VPS13B: variants seen among roughly 807,000 people sequenced by gnomAD.
The protein encoded by VPS13B is intermembrane lipid transfer protein VPS13B.
A neutral mutation model predicts 426.4 loss-of-function variants in VPS13B; 285 were observed. That is an observed-to-expected ratio of 0.67 (90% CI 0.61 to 0.74). VPS13B has a LOEUF of 0.74. Ranked by LOEUF, VPS13B falls within the 30% of genes least tolerant of loss-of-function variation. The pLI, the probability that VPS13B is intolerant of heterozygous loss-of-function variation, is 0.00. For missense variants in VPS13B, 4,537 were observed against 4,782.6 expected, an observed-to-expected ratio of 0.95 and a Z score of 1.51; for synonymous variants, 1,676 against 1,676.4, an observed-to-expected ratio of 1.00 and a Z score of 0.01.
chr8:99,610,985 C>T (rs986306263), intron 33 of VPS13B, among the ~76,000 whole-genome samples: 2 of 152,106 alleles, frequency 1.3e-5, no homozygotes, highest in Non-Finnish European at 2.9e-5. Flanking sequence ...ATCTTTTAGT[C>T]TTCAAAAATG....
intron 30 of VPS13B, among the ~76,000 whole-genome samples, chr8:99,533,404 T>A (rs539578244): frequency 1.3e-5 from 2 of 152,314 alleles, no homozygotes; most frequent in South Asian, 4.1e-4. Context: ...TTAAAAAAAT[T>A]TTTAAACTCC....
At chr8:99,759,166 T>C (rs141292976) in intron 39 of VPS13B, among the ~76,000 whole-genome samples, 80 of 152,276 alleles carry the variant, frequency 5.3e-4, no homozygotes, top group African/African-American at 1.9e-3. Context: ...AAACCCTACG[T>C]TGATCTCATA....
At chr8:99,051,223 G>A (rs1843531232) in intron 3 of VPS13B, among the ~76,000 whole-genome samples, 1 of 152,164 alleles carries the variant, frequency 6.6e-6, no homozygotes, top group Non-Finnish European at 1.5e-5. Flanking sequence ...GTAAGGAAGG[G>A]ATCCAGTTTC....
At chr8:99,126,439 G>A (rs1454590849) in intron 8 of VPS13B, among the ~76,000 whole-genome samples, 1 of 152,090 alleles carries the variant, frequency 6.6e-6, no homozygotes, top group Non-Finnish European at 1.5e-5. Context: ...GTATTTTTCT[G>A]GTCATATTCT....
intron 25 of VPS13B, among the ~76,000 whole-genome samples, chr8:99,496,459 G>T (rs1374362486): frequency 6.6e-6 from 1 of 152,072 alleles, no homozygotes. Flanking sequence ...AGACCATCCT[G>T]GCTAACACAG....
At chr8:99,173,411 C>CTAACATCCTTGAATAAAATGTTCAAG (rs2132672302) in intron 16 of VPS13B, among the ~76,000 whole-genome samples, 1 of 152,150 alleles carries the variant, frequency 6.6e-6, no homozygotes, top group South Asian at 2.1e-4. Flanking sequence ...AAAAAAATTG[C>CTAACATCCTTGAATAAAATGTTCAAG]CAGTAATACT....
intron 17 of VPS13B, chr8:99,209,828 T>C: frequency 1.3e-6 from 1 of 745,490 alleles, no homozygotes; most frequent in Non-Finnish European, 1.6e-6. Flanking sequence ...TAGTTTATTC[T>C]AAAAAGTTTT....
rs550713421 is a variant in VPS13B at position 99,357,819 on chromosome 8, T to C, written c.2825-26389T>C. On this transcript the variant is annotated intron_variant, in intron 19 of 61. Transcript: ENST00000357162. ...TAAATGTAAAATGCTTAACACTTTGTTGTCAATTAAGTACTAACAATCTTC... is the reference window on the plus strand; with the variant it reads ...TAAATGTAAAATGCTTAACACTTTGCTGTCAATTAAGTACTAACAATCTTC... Among the ~76,000 whole-genome samples, 8 of 152,346 alleles carry C rather than the reference T, an allele frequency of 5.3e-5. No homozygotes were observed. In the South Asian group the frequency reaches 1.0e-3, roughly 20 times the overall value.
At chr8:99,028,997 C>T (rs1293781284) in intron 2 of VPS13B, among the ~76,000 whole-genome samples, 1 of 150,190 alleles carries the variant, frequency 6.7e-6, no homozygotes, top group Non-Finnish European at 1.5e-5. Flanking sequence ...GGCTGCCGGG[C>T]GGAGGGGCTC....
At chr8:99,590,489 G>A (rs183175683) in intron 33 of VPS13B, among the ~76,000 whole-genome samples, 4 of 151,920 alleles carry the variant, frequency 2.6e-5, no homozygotes, top group East Asian at 1.9e-4. Context: ...ATAAATTTCC[G>A]TCTACACACT....
intron 25 of VPS13B, among the ~76,000 whole-genome samples, chr8:99,493,246 CT>C (rs1397774268): frequency 1.3e-5 from 2 of 151,872 alleles, no homozygotes; most frequent in Admixed American, 1.3e-4. Flanking sequence ...ATATTTTTTT[CT>C]TATAATAGCC....
chr8:99,103,356 G>A (rs1001507104), intron 5 of VPS13B, among the ~76,000 whole-genome samples: 1 of 152,098 alleles, frequency 6.6e-6, no homozygotes, highest in African/African-American at 2.4e-5. Context: ...TTGAGACAGG[G>A]TCTGGCTCTG....
At position 99,859,486 on chromosome 8, in the gene VPS13B, G is replaced by A. The variant is rs369477759; in HGVS notation, c.11044+6G>A. On this transcript the variant is annotated splice_donor_region_variant and intron_variant, in intron 57 of 61. Coordinates refer to ENST00000357162, the MANE Select transcript of VPS13B (RefSeq NM_152564.5). ...TGTAAAGCACATCTCCAAAGGTAGCGGGTTCCGTTCCTTGTAATAATGCCT... is the reference window on the plus strand; with the variant it reads ...TGTAAAGCACATCTCCAAAGGTAGCAGGTTCCGTTCCTTGTAATAATGCCT... 6.1e-5 allele frequency: 99 copies of A among 1,613,326 alleles called. No homozygotes were observed. The highest frequency in any genetic ancestry group is 3.7e-4 in the South Asian group (34 of 91,058).
chr8:99,381,693 A>G (rs1393547380), intron 19 of VPS13B, among the ~76,000 whole-genome samples: 1 of 151,352 alleles, frequency 6.6e-6, no homozygotes, highest in Non-Finnish European at 1.5e-5. Flanking sequence ...TGTTGGCCAT[A>G]TGTATATCTT....
At chr8:99,326,841 G>A (rs977814284) in intron 19 of VPS13B, among the ~76,000 whole-genome samples, 4 of 152,116 alleles carry the variant, frequency 2.6e-5, no homozygotes, top group Admixed American at 2.6e-4. Context: ...ACTGGCCTCA[G>A]TTGAAGTTCA....
intron 21 of VPS13B, among the ~76,000 whole-genome samples, chr8:99,425,004 G>A (rs1272805944): frequency 2.0e-5 from 3 of 152,108 alleles, no homozygotes; most frequent in Non-Finnish European, 4.4e-5. Flanking sequence ...ACCCTTCCAA[G>A]TCTAAACCAG....
intron 19 of VPS13B, among the ~76,000 whole-genome samples, chr8:99,305,639 T>G (rs1248816911): frequency 6.6e-6 from 1 of 152,134 alleles, no homozygotes; most frequent in East Asian, 1.9e-4. Context: ...TATCTCTAAG[T>G]GCTTAATGTT....
chr8:99,809,329 T>C, intron 43 of VPS13B, 46 bp from the exon 44 acceptor site: 2 of 1,613,176 alleles, frequency 1.2e-6, no homozygotes, highest in Non-Finnish European at 1.7e-6. Context: ...GACTAGGTTT[T>C]TGTTGGCACG....
intron 35 of VPS13B, among the ~76,000 whole-genome samples, chr8:99,664,424 G>A (rs992630674): frequency 4.0e-5 from 6 of 151,380 alleles, no homozygotes; most frequent in East Asian, 1.9e-4. Flanking sequence ...CCATTAACTC[G>A]TCATTTAACA....
Sources: allele counts gnomAD v4.1 joint callset (sites outside exome capture counted in the v4.1 genomes callset), GRCh38; gene constraint gnomAD v4.1.1; transcripts MANE v1.5; gene names NCBI Gene and HGNC (gene_info 2026-07-23, HGNC 2026-07-21).